The following CHP1 variants were observed in gnomAD, a reference collection of about 807,000 sequenced individuals.
CHP1 encodes calcineurin like EF-hand protein 1.
A neutral mutation model predicts 27.4 loss-of-function variants in CHP1; 11 were observed. The observed-to-expected ratio is 0.40, with a 90% CI of 0.25 to 0.67. CHP1 has a LOEUF of 0.67. Ranked by LOEUF, CHP1 falls within the 30% of genes least tolerant of loss-of-function variation. The probability of loss-of-function intolerance (pLI) is 0.38; values close to 1 mark genes in which losing one functional copy is unlikely to be tolerated. For synonymous variants in CHP1, 89 were observed against 87.4 expected (o/e 1.02, Z -0.10); for missense variants, 169 against 251.3 (o/e 0.67, Z 2.22).
chr15:41,273,236 A>G (rs1347126649), intron 5 of CHP1, among the ~76,000 whole-genome samples: 1 of 152,124 alleles, frequency 6.6e-6, no homozygotes, highest in East Asian at 1.9e-4. Context: ...CAATTATACT[A>G]GAAATTCAAA....
chr15:41,246,477 G>A (rs564470526), intron 2 of CHP1, among the ~76,000 whole-genome samples: 1 of 151,278 alleles, frequency 6.6e-6, no homozygotes, highest in Non-Finnish European at 1.5e-5. Flanking sequence ...ATGACACCAC[G>A]CCCTGCTAAT....
chr15:41,258,925 G>A (rs1441504416), intron 3 of CHP1, among the ~76,000 whole-genome samples: 5 of 152,206 alleles, frequency 3.3e-5, no homozygotes. Flanking sequence ...CTAGTTGAGA[G>A]GGTTGGGCAT....
intron 2 of CHP1, among the ~76,000 whole-genome samples, chr15:41,253,701 G>T (rs942600510): frequency 1.3e-5 from 2 of 151,588 alleles, no homozygotes; most frequent in Non-Finnish European, 1.5e-5. Context: ...TGATCCTCCC[G>T]CCTCGGCCTC....
chr15:41,247,793 C>A (rs895252320), intron 2 of CHP1, among the ~76,000 whole-genome samples: 3 of 151,734 alleles, frequency 2.0e-5, no homozygotes, highest in Non-Finnish European at 4.4e-5. Context: ...CACAGTGAAA[C>A]CCCGTCTCTA....
At chr15:41,232,783 C>T (rs757074863) in intron 1 of CHP1, among the ~76,000 whole-genome samples, 16 of 152,162 alleles carry the variant, frequency 1.1e-4, no homozygotes, top group Non-Finnish European at 2.4e-4. Flanking sequence ...GTAACTCACT[C>T]CGGCCCATAT....
chr15:41,241,071 T>C (rs1449628007), intron 1 of CHP1, among the ~76,000 whole-genome samples: 1 of 152,192 alleles, frequency 6.6e-6, no homozygotes, highest in Non-Finnish European at 1.5e-5. Flanking sequence ...CAGGATGGTC[T>C]CGATCTCTTT....
At chr15:41,235,973 T>G (rs150699921) in intron 1 of CHP1, among the ~76,000 whole-genome samples, 33 of 152,310 alleles carry the variant, frequency 2.2e-4, no homozygotes, top group African/African-American at 7.7e-4. Context: ...AGCTCTGTAC[T>G]TTTTGAGTTC....
At chr15:41,256,803 T>A in intron 2 of CHP1, 107 bp from the exon 3 acceptor site, 1 of 855,406 alleles carries the variant, frequency 1.2e-6, no homozygotes, top group Admixed American at 1.9e-5. Context: ...AGAAGTAAAT[T>A]CCAGGAGGTA....
intron 3 of CHP1, among the ~76,000 whole-genome samples, chr15:41,262,058 A>G (rs1031851774): frequency 6.6e-6 from 1 of 151,448 alleles, no homozygotes. Context: ...AGTTCCAGCT[A>G]GTCAGGAGGC....
chr15:41,253,103 T>G (rs564131972), intron 2 of CHP1, among the ~76,000 whole-genome samples: 4 of 151,930 alleles, frequency 2.6e-5, no homozygotes, highest in Admixed American at 1.3e-4. Context: ...CATGCCCAGC[T>G]AATTTTTGTG....
chr15:41,249,942 C>T (rs1200754974), intron 2 of CHP1, among the ~76,000 whole-genome samples: 10 of 151,256 alleles, frequency 6.6e-5, no homozygotes, highest in Non-Finnish European at 1.5e-4. Flanking sequence ...TTCTGCATTC[C>T]TTTGTAGTGA....
At chr15:41,257,684 G>T (rs926908235) in intron 3 of CHP1, among the ~76,000 whole-genome samples, 1 of 151,400 alleles carries the variant, frequency 6.6e-6, no homozygotes, top group African/African-American at 2.4e-5. Context: ...CTCAGCCTCC[G>T]AGATAGTTGG....
intron 1 of CHP1, among the ~76,000 whole-genome samples, chr15:41,237,209 C>T (rs959887574): frequency 5.3e-5 from 8 of 150,378 alleles, no homozygotes; most frequent in Non-Finnish European, 1.2e-4. Flanking sequence ...TGCAGTGGCG[C>T]GATCTCAGCT....
chr15:41,248,001 T>TAAAC (rs1435866091), intron 2 of CHP1, among the ~76,000 whole-genome samples: 2 of 151,708 alleles, frequency 1.3e-5, no homozygotes, highest in African/African-American at 4.8e-5. Context: ...AATAAATAAA[T>TAAAC]AAATAAATAA....
intron 4 of CHP1, among the ~76,000 whole-genome samples, chr15:41,263,933 G>A (rs2047446371): frequency 1.3e-5 from 2 of 152,078 alleles, no homozygotes; most frequent in Admixed American, 1.3e-4. Flanking sequence ...GGCGTTACAT[G>A]GTGTCTTAGG....
intron 1 of CHP1, 44 bp downstream of exon 1, chr15:41,231,493 G>T (rs2047241491): frequency 1.9e-6 from 3 of 1,563,458 alleles, no homozygotes; most frequent in Non-Finnish European, 2.6e-6. Flanking sequence ...CCTCAGGCTG[G>T]CCTCACAACC....
intron 3 of CHP1, 88 bp downstream of exon 3, chr15:41,257,078 C>T (rs28758740): frequency 3.4e-4 from 338 of 995,256 alleles, no homozygotes; most frequent in Non-Finnish European, 4.8e-4. Context: ...TTGGTTGTGC[C>T]ATCTCAGACT....
intron 2 of CHP1, among the ~76,000 whole-genome samples, chr15:41,249,302 G>A (rs982082606): frequency 4.0e-5 from 6 of 151,456 alleles, no homozygotes; most frequent in Admixed American, 2.0e-4. Flanking sequence ...CTACAGGCAC[G>A]TGTCACTGCC....
In CHP1 at chr15:41,240,990, C is replaced by T. The variant is rs577931130; in HGVS notation, c.68-2677C>T. Among the ~76,000 whole-genome samples, 3 of 151,926 alleles carry T rather than the reference C, an allele frequency of 2.0e-5. No individual in the cohort carries two copies. In the East Asian group the frequency reaches 5.9e-4, roughly 30 times the overall value. On this transcript the variant is annotated intron_variant, in intron 1 of 6. Coordinates refer to ENST00000334660, the MANE Select transcript of CHP1 (RefSeq NM_007236.5). ...GCCTCAGCTTCCCAAGTAGCTGGGACTAGAGGCAGACGCCACCACACCCAG... is the reference window on the plus strand; with the variant it reads ...GCCTCAGCTTCCCAAGTAGCTGGGATTAGAGGCAGACGCCACCACACCCAG...
Sources: gnomAD v4.1 joint callset for allele counts (sites outside exome capture counted in the v4.1 genomes callset) on GRCh38, gnomAD v4.1.1 for gene constraint, MANE v1.5 for transcripts, NCBI Gene and HGNC (gene_info 2026-07-23, HGNC 2026-07-21) for gene names.